The following BRCA2 variants were observed in gnomAD, a reference collection of about 807,000 sequenced individuals.
BRCA2 encodes the protein breast cancer type 2 susceptibility protein.
A neutral mutation model predicts 276.7 loss-of-function variants in BRCA2; 203 were observed. The observed-to-expected ratio is 0.73, with a 90% CI of 0.65 to 0.82. The LOEUF (loss-of-function observed/expected upper bound fraction) is 0.82, where lower values mean the gene tolerates loss of function less well. Among genes scored for constraint, BRCA2 ranks in the 40% least tolerant of loss-of-function variants. The pLI is 0.00. For synonymous variants in BRCA2, 1,289 were observed against 1,338.4 expected (o/e 0.96, Z 0.81); for missense variants, 3,920 against 3,915.0 (o/e 1.00, Z -0.03).
intron 13 of BRCA2, among the ~76,000 whole-genome samples, chr13:32,353,855 A>G (rs1398336244): frequency 2.0e-5 from 3 of 152,214 alleles, no homozygotes; most frequent in Admixed American, 6.5e-5. Context: ...GGACATGTTG[A>G]GTTTGAAATG....
In BRCA2 at chr13:32,333,235, A is replaced by G. The variant is rs2072421257; in HGVS notation, c.1757A>G (p.Lys586Arg). ...NAGLISTLKK[K>R]TNKFIYAIHD... Reference sequence around the variant, plus strand: ...GGTTTAATATCCACTTTGAAAAAGAAAACAAATAAGTTTATTTATGCTATA... The same window carrying G: ...GGTTTAATATCCACTTTGAAAAAGAGAACAAATAAGTTTATTTATGCTATA... Residue 586 changes from lysine to arginine, a missense_variant, in exon 10 of 27, where the codon AAA becomes AGA. By Grantham distance (26) the Lys-to-Arg change is conservative. Coordinates refer to ENST00000380152, the MANE Select transcript of BRCA2 (RefSeq NM_000059.4). 6.2e-7 allele frequency: 1 copy of G among 1,612,684 alleles called. No individual in the cohort carries two copies. The highest frequency in any genetic ancestry group is 1.1e-5 in the South Asian group (1 of 90,788).
In BRCA2 at chr13:32,398,537, G is replaced by T. The variant is rs28897761; in HGVS notation, c.10024G>T (p.Glu3342Ter). 7 of 1,614,040 alleles carry T rather than the reference G, an allele frequency of 4.3e-6. No homozygotes were observed. Among genetic ancestry groups the T allele is most frequent in the African/African-American group, 1.3e-5 (1 of 74,918 alleles). Residue 3342 changes from glutamate to a stop codon, truncating the protein, a stop_gained, in exon 27 of 27, where the codon GAA becomes TAA. Transcript: ENST00000380152. LOFTEE classifies it low-confidence loss of function (END_TRUNC). ...TTTGGAAAGTAATTCAATAGCTGAC[G>T]AAGAACTTGCATTGATAAATACCCA... ...SLLESNSIADEELALINTQAL... is the reference protein window; with the variant it reads ...SLLESNSIAD
At chr13:32,333,570 A>G (rs966624350) in intron 10 of BRCA2, among the ~76,000 whole-genome samples, 183 bp downstream of exon 10, 12 of 152,212 alleles carry the variant, frequency 7.9e-5, no homozygotes, top group African/African-American at 2.7e-4. Context: ...CAAACATGGT[A>G]GATAAGTTTG....
intron 6 of BRCA2, 59 bp from the exon 7 acceptor site, chr13:32,326,440 T>G (rs566374241): frequency 6.8e-7 from 1 of 1,476,672 alleles, no homozygotes; most frequent in Non-Finnish European, 9.5e-7. Flanking sequence ...AATGAAAAAA[T>G]AATATCCTTA....
chr13:32,348,181 G>GA (rs1241739563), intron 13 of BRCA2, among the ~76,000 whole-genome samples: 1 of 151,588 alleles, frequency 6.6e-6, no homozygotes, highest in East Asian at 1.9e-4. Context: ...AGAATAAAAT[G>GA]AAAAAAGGTA....
chr13:32,332,588 A>T lies in BRCA2; in HGVS notation c.1110A>T (p.Val370=), dbSNP rs1566222766. Residue 370 remains valine (V), a synonymous_variant, in exon 10 of 27, where the codon GTA becomes GTT. Transcript: ENST00000380152. ...PNDTDPLDSN[V]ANQKPFESGS... is the part of the protein sequence containing the mutation. ...ATACTGATCCATTAGATTCAAATGT[A>T]GCAAATCAGAAGCCCTTTGAGAGTG... 1 of 1,613,766 alleles carries T rather than the reference A, an allele frequency of 6.2e-7. No individual in the cohort carries two copies. Among genetic ancestry groups the T allele is most frequent in the Non-Finnish European group, 8.5e-7 (1 of 1,179,836 alleles).
At chr13:32,360,507 G>A (rs879884621) in intron 16 of BRCA2, among the ~76,000 whole-genome samples, 2 of 151,930 alleles carry the variant, frequency 1.3e-5, no homozygotes, top group Admixed American at 6.6e-5. Context: ...CTACAGGCGC[G>A]CACCACCGTG....
In BRCA2 at chr13:32,354,909, T is replaced by A. The variant is rs276174888; in HGVS notation, c.7056T>A (p.Pro2352=). ...QEIQNPNFTA[P]GQEFLSKSHL... is the part of the protein sequence containing the mutation. The stretch of plus-strand genomic sequence containing the variant: ...TACAGAATCCAAATTTTACCGCACC[T>A]GGTCAAGAATTTCTGTCTAAATCTC... The change falls in exon 14 of 27, where the codon CCT becomes CCA. Residue 2352 remains proline (P), a synonymous_variant. Transcript: ENST00000380152. 3 of 1,613,824 alleles carry A rather than the reference T, an allele frequency of 1.9e-6. No homozygotes were observed. The highest frequency in any genetic ancestry group is 2.5e-6 in the Non-Finnish European group (3 of 1,179,810).
At chr13:32,354,813 T>TTA (rs767208287) in intron 13 of BRCA2, 48 bp from the exon 14 acceptor site, 5 of 1,267,028 alleles carry the variant, frequency 3.9e-6, no homozygotes, top group Non-Finnish European at 4.6e-6. Flanking sequence ...TCCTAAATAT[T>TTA]TATATGTGTA....
chr13:32,370,646 T>C (rs2072825042), intron 19 of BRCA2, 89 bp downstream of exon 19: 1 of 1,422,158 alleles, frequency 7.0e-7, no homozygotes. Context: ...TTCGGTCTCT[T>C]GCCCAGGCTG....
intron 13 of BRCA2, among the ~76,000 whole-genome samples, chr13:32,349,489 T>A (rs2072633177): frequency 6.6e-6 from 1 of 151,926 alleles, no homozygotes; most frequent in South Asian, 2.1e-4. Context: ...TCTTTAGAAT[T>A]GGGTGGTGCA....
intron 25 of BRCA2, among the ~76,000 whole-genome samples, chr13:32,395,750 T>C (rs959819559): frequency 1.3e-5 from 2 of 152,086 alleles, no homozygotes; most frequent in African/African-American, 2.4e-5. Flanking sequence ...ATGTGTGTTA[T>C]TCAGAATTTA....
chr13:32,339,112 C>T lies in BRCA2; in HGVS notation c.4757C>T (p.Thr1586Ile), dbSNP rs2137509897. 1 of 1,613,958 alleles carries T rather than the reference C, an allele frequency of 6.2e-7. No individual in the cohort carries two copies. Among genetic ancestry groups the T allele is most frequent in the Non-Finnish European group, 8.5e-7 (1 of 1,179,920 alleles). Residue 1586 changes from threonine to isoleucine, a missense_variant, in exon 11 of 27, where the codon ACA (threonine) becomes ATA (isoleucine). Physicochemically the swap from Thr to Ile is moderately conservative, Grantham distance 89. Coordinates refer to ENST00000380152, the MANE Select transcript of BRCA2 (RefSeq NM_000059.4). ...TTAGCATGTGAGACCATTGAGATCACAGCTGCCCCAAAGTGTAAAGAAATG... is the reference window on the plus strand; with the variant it reads ...TTAGCATGTGAGACCATTGAGATCATAGCTGCCCCAAAGTGTAAAGAAATG... ...LELACETIEI[T>I]AAPKCKEMQN...
intron 18 of BRCA2, among the ~76,000 whole-genome samples, chr13:32,365,410 C>T (rs1269079025): frequency 1.3e-5 from 2 of 151,982 alleles, no homozygotes; most frequent in Non-Finnish European, 2.9e-5. Context: ...GACAAAGTCT[C>T]GCTCTTGTTG....
chr13:32,356,602 A>G lies in BRCA2; in HGVS notation c.7610A>G (p.His2537Arg), dbSNP rs80358988. Residue 2537 changes from histidine to arginine, a missense_variant, in exon 15 of 27, where the codon CAT (histidine) becomes CGT (arginine). Transcript: ENST00000380152. The part of the protein sequence containing the change: ...VGGQVPSACS[H>R]KQLYTYGVSK... Reference sequence around the variant, plus strand: ...GGCCAAGTTCCCTCTGCGTGTTCTCATAAACAGGTATGTGTTTGTCTACAA... The same window carrying G: ...GGCCAAGTTCCCTCTGCGTGTTCTCGTAAACAGGTATGTGTTTGTCTACAA... 5.0e-6 allele frequency: 8 copies of G among 1,614,106 alleles called. No individual in the cohort carries two copies. The highest frequency in any genetic ancestry group is 1.3e-5 in the African/African-American group (1 of 75,068).
intron 24 of BRCA2, among the ~76,000 whole-genome samples, chr13:32,392,616 CTT>C (rs2073004916): frequency 6.6e-6 from 1 of 151,324 alleles, no homozygotes; most frequent in Non-Finnish European, 1.5e-5. Flanking sequence ...AATTATAACT[CTT>C]TATTTTGAAC....
chr13:32,335,846 T>A (rs2072443395), intron 10 of BRCA2, among the ~76,000 whole-genome samples: 1 of 152,200 alleles, frequency 6.6e-6, no homozygotes, highest in African/African-American at 2.4e-5. Flanking sequence ...GTTATTTTCA[T>A]GTAATTTGTG....
rs876659793 is a variant in BRCA2 at position 32,332,585 on chromosome 13, T to G, written c.1107T>G (p.Asn369Lys). 6.2e-7 allele frequency: 1 copy of G among 1,613,688 alleles called. No individual in the cohort carries two copies. The highest frequency in any genetic ancestry group is 8.5e-7 in the Non-Finnish European group (1 of 1,179,826). ...ATGATACTGATCCATTAGATTCAAA[T>G]GTAGCAAATCAGAAGCCCTTTGAGA... ...EPNDTDPLDS[N>K]VANQKPFESG... Residue 369 changes from asparagine to lysine, a missense_variant, in exon 10 of 27, where the codon AAT becomes AAG. Physicochemically the swap from Asn to Lys is moderately conservative, Grantham distance 94 (BLOSUM62 0). Transcript: ENST00000380152.
Position 32,346,749 on chromosome 13 carries a change from A to AT in BRCA2, c.6938-72dup, listed in dbSNP as rs899102038. 2.9e-5 allele frequency: 35 copies of AT among 1,201,936 alleles called. No homozygotes were observed. The African/African-American group carries it at 5.4e-4, about 19-fold the overall frequency. The allele number at this position is 1,201,936 out of a possible 1,614,324, so 74.5% of individuals were successfully genotyped here. Reference sequence around the variant, plus strand: ...ATTGTAAAGCCTATAATTGTCTCAAATTTTTTGTGTATTTACAGTAACATG... The same window carrying AT: ...ATTGTAAAGCCTATAATTGTCTCAAATTTTTTTGTGTATTTACAGTAACATG... On this transcript the variant is annotated intron_variant, in intron 12 of 26. Coordinates refer to ENST00000380152, the MANE Select transcript of BRCA2 (RefSeq NM_000059.4).
Sources: allele counts gnomAD v4.1 joint callset (sites outside exome capture counted in the v4.1 genomes callset), GRCh38; gene constraint gnomAD v4.1.1; transcripts MANE v1.5; gene names NCBI Gene and HGNC (gene_info 2026-07-23, HGNC 2026-07-21).